Variants in CARS1 observed in about 807,000 individuals in gnomAD.
CARS1 encodes cysteinyl-tRNA synthetase 1, also known as cysteine--tRNA ligase, cytoplasmic.
A neutral mutation model predicts 106.2 loss-of-function variants in CARS1; 48 were observed. That is an observed-to-expected ratio of 0.45 (90% confidence interval 0.36 to 0.57). The LOEUF (loss-of-function observed/expected upper bound fraction) is 0.57. Ranked by LOEUF, CARS1 falls within the 20% of genes least tolerant of loss-of-function variation. The probability of loss-of-function intolerance (pLI) is 0.00; values close to 1 mark genes in which losing one functional copy is unlikely to be tolerated. For missense variants in CARS1, 968 were observed against 1,057.2 expected, an observed-to-expected ratio of 0.92 and a Z score of 1.17; for synonymous variants, 409 against 403.4, an observed-to-expected ratio of 1.01 and a Z score of -0.17.
rs1590367810 is a variant in CARS1, at chr11:3,017,675, G to C, written c.1727+182C>G. ...AAAAAACAAAAAAGAAATTCTCCAT[G>C]CACTTCAACACCCAGAGCAGCTCCC... On this transcript the variant is annotated intron_variant, in intron 15 of 22. Transcript: ENST00000380525. This position sits in a 1 kb window ranked among gnomAD's most constrained non-coding sequence, Gnocchi z 4.9. The C allele has an allele frequency of 1.7e-6, 1 of 580,676 alleles. No individual in the cohort carries two copies. Among genetic ancestry groups the C allele is most frequent in the East Asian group, 2.9e-5 (1 of 35,016 alleles). 36.0% of individuals were successfully genotyped at this position (580,676 alleles called of 1,614,324 possible). A position where few individuals can be genotyped will look rare whatever the true frequency, so the allele number is the denominator to read the frequency against.
chr11:3,056,896 C>T, intron 1 of CARS1, among the ~76,000 whole-genome samples: 1 of 152,214 alleles, frequency 6.6e-6, no homozygotes, highest in Non-Finnish European at 1.5e-5. Context: ...GAAACTGAGG[C>T]TGGGTGGTCT....
At chr11:3,009,884 A>G (rs955382350) in intron 18 of CARS1, among the ~76,000 whole-genome samples, 1 of 152,248 alleles carries the variant, frequency 6.6e-6, no homozygotes, top group African/African-American at 2.4e-5. Flanking sequence ...GTGAATAACA[A>G]AACAGTCACT....
rs1030920680 is a variant in CARS1, at chr11:3,053,784, A to G, written c.25+3559T>C. 5.9e-5 allele frequency among the ~76,000 whole-genome samples: 9 copies of G among 152,190 alleles called. No individual in the cohort carries two copies. Among genetic ancestry groups the G allele is most frequent in the African/African-American group, 1.7e-4 (7 of 41,444 alleles). On this transcript the variant is annotated intron_variant, in intron 1 of 22. Coordinates refer to ENST00000380525, the MANE Select transcript of CARS1 (RefSeq NM_001014437.3). The surrounding 1 kb of genome is among the most constrained non-coding windows in gnomAD (Gnocchi z 6.6). The stretch of plus-strand genomic sequence containing the variant: ...GCTAAAATGCAGACCCCTTTACAGC[A>G]GGTCTGAGCTCCTAATAAGTGCCCC...
Position 3,017,318 on chromosome 11 carries a change from T to C in CARS1, c.1728-23A>G. The C allele has an allele frequency of 1.2e-6, 2 of 1,600,636 alleles. No individual in the cohort carries two copies. Among genetic ancestry groups the C allele is most frequent in the African/African-American group, 2.7e-5 (2 of 74,792 alleles). ...AAGCTGAGCAACAAAGAGGAAGGAATGTGAAGTCAGACCTGAAAACACACC... is the reference window on the plus strand; with the variant it reads ...AAGCTGAGCAACAAAGAGGAAGGAACGTGAAGTCAGACCTGAAAACACACC... On this transcript the variant is annotated intron_variant, in intron 15 of 22. Transcript: ENST00000380525. The surrounding 1 kb of genome is among the most constrained non-coding windows in gnomAD (Gnocchi z 4.9).
At position 3,004,587 on chromosome 11, in the gene CARS1, A is replaced by G. The variant is rs563950970; in HGVS notation, c.2217+779T>C. On this transcript the variant is annotated intron_variant, in intron 20 of 22. Coordinates refer to ENST00000380525, the MANE Select transcript of CARS1 (RefSeq NM_001014437.3). The surrounding 1 kb of genome is among the most constrained non-coding windows in gnomAD (Gnocchi z 5.2). Reference sequence around the variant, plus strand: ...TGCACTGGGGGCCCAGGTGCCTCTCATCCTGCTGCCTGCATCCCAGGGTAC... The same window carrying G: ...TGCACTGGGGGCCCAGGTGCCTCTCGTCCTGCTGCCTGCATCCCAGGGTAC... 6.6e-5 allele frequency among the ~76,000 whole-genome samples: 10 copies of G among 152,172 alleles called. No homozygotes were observed. The highest frequency in any genetic ancestry group is 1.0e-4 in the Non-Finnish European group (7 of 68,028).
chr11:3,013,849 G>A (rs569889013), intron 17 of CARS1, among the ~76,000 whole-genome samples: 6 of 152,096 alleles, frequency 3.9e-5, no homozygotes, highest in African/African-American at 9.7e-5. Context: ...GTTTTTGTTC[G>A]CTGAGAGCTG....
At chr11:3,002,154 C>T in intron 21 of CARS1, 101 bp from the exon 22 acceptor site, 1 of 822,194 alleles carries the variant, frequency 1.2e-6, no homozygotes, top group Non-Finnish European at 2.1e-6. Context: ...AACTTGCTTC[C>T]AAGCCCTCAG....
intron 18 of CARS1, chr11:3,009,182 C>T (rs1342783318): frequency 6.6e-6 from 1 of 152,186 alleles, no homozygotes; most frequent in African/African-American, 2.4e-5. Context: ...ACAAAGATAA[C>T]GCAAAGGTGA....
In CARS1 at chr11:3,050,066, C is replaced by T. The variant is rs79159484; in HGVS notation, c.26-2065G>A. On this transcript the variant is annotated intron_variant, in intron 1 of 22. Transcript: ENST00000380525. The surrounding 1 kb of genome is among the most constrained non-coding windows in gnomAD (Gnocchi z 6.3). ...AGCTCTTCACCCGCCAGGGAGCCTA[C>T]GGAGCCACGTGATGCCCCAAGGCCC... Among the ~76,000 whole-genome samples, 2,383 of 152,288 alleles carry T rather than the reference C, an allele frequency of 0.016. 70 individuals carry two copies. The highest frequency in any genetic ancestry group is 0.054 in the African/African-American group (2,258 of 41,554).
At chr11:3,002,097 C>G in intron 21 of CARS1, 44 bp from the exon 22 acceptor site, 1 of 1,348,672 alleles carries the variant, frequency 7.4e-7, no homozygotes, top group Non-Finnish European at 1.1e-6. Flanking sequence ...CGAGCAGCAC[C>G]TGGGGCTCCG....
chr11:3,035,407 A>C (rs1178310145), intron 7 of CARS1, among the ~76,000 whole-genome samples: 1 of 152,256 alleles, frequency 6.6e-6, no homozygotes, highest in Non-Finnish European at 1.5e-5. Context: ...GAAGAATCCA[A>C]CAATACAAAT....
At chr11:3,025,466 G>A (rs559083231) in intron 10 of CARS1, among the ~76,000 whole-genome samples, 1 of 152,336 alleles carries the variant, frequency 6.6e-6, no homozygotes, top group South Asian at 2.1e-4. Context: ...AACCTCAGGT[G>A]ATCCACCCAC....
rs567420755 is a variant in CARS1, at chr11:3,021,220, T to C, written c.1154-888A>G. Reference sequence around the variant, plus strand: ...ATTAGCTGCTGTGAATAAAGAAACCTGTGAGCCAGTCCAAAGGTCACGCAG... The same window carrying C: ...ATTAGCTGCTGTGAATAAAGAAACCCGTGAGCCAGTCCAAAGGTCACGCAG... On this transcript the variant is annotated intron_variant, in intron 10 of 22. Coordinates refer to ENST00000380525, the MANE Select transcript of CARS1 (RefSeq NM_001014437.3). This position sits in a 1 kb window ranked among gnomAD's most constrained non-coding sequence, Gnocchi z 5.3. 1.3e-5 allele frequency among the ~76,000 whole-genome samples: 2 copies of C among 152,304 alleles called. No homozygotes were observed. The highest frequency in any genetic ancestry group is 2.1e-4 in the South Asian group (1 of 4,832).
At position 3,057,377 on chromosome 11, in the gene CARS1, T is replaced by C. The variant is rs760160795; in HGVS notation, c.-10A>G. 6 of 1,609,976 alleles carry C rather than the reference T, an allele frequency of 3.7e-6. No individual in the cohort carries two copies. Among genetic ancestry groups the C allele is most frequent in the Non-Finnish European group, 5.1e-6 (6 of 1,178,586 alleles). ...CGGAGGAATCTGCCATGGCTGGGAA[T>C]CCCGGACCCGCAGCTGCGGCTACAG... On this transcript the variant is annotated 5_prime_UTR_variant, in exon 1 of 23. Transcript: ENST00000380525.
In CARS1 at chr11:3,046,437, C is replaced by G. The variant is rs187873802; in HGVS notation, c.274+1316G>C. ...ACAGCACAGGTGTCACTTGGGTGAC[C>G]GCGCTGGAGGCTCAGGCAGGAACGG... On this transcript the variant is annotated intron_variant, in intron 2 of 22. Transcript: ENST00000380525. The surrounding 1 kb of genome is among the most constrained non-coding windows in gnomAD (Gnocchi z 5.8). 1.9e-3 allele frequency among the ~76,000 whole-genome samples: 285 copies of G among 152,274 alleles called. 2 individuals carry two copies. Among genetic ancestry groups the G allele is most frequent in the African/African-American group, 6.5e-3 (271 of 41,560 alleles).
rs1854401798 is a variant in CARS1 at position 3,041,195 on chromosome 11, G to C, written c.367-211C>G. The C allele has an allele frequency of 1.7e-6, 1 of 590,346 alleles. No individual in the cohort carries two copies. Among genetic ancestry groups the C allele is most frequent in the African/African-American group, 1.9e-5 (1 of 51,826 alleles). 36.6% of individuals were successfully genotyped at this position (590,346 alleles called of 1,614,324 possible). A position where few individuals can be genotyped will look rare whatever the true frequency, so the allele number is the denominator to read the frequency against. On this transcript the variant is annotated intron_variant, in intron 3 of 22. Coordinates refer to ENST00000380525, the MANE Select transcript of CARS1 (RefSeq NM_001014437.3). The surrounding 1 kb of genome is among the most constrained non-coding windows in gnomAD (Gnocchi z 4.9). ...CCACCAACTGAGCCCTGGGTGGGTG[G>C]GGCCTCTTCCTCCCTGGGGTTCTAC...
intron 12 of CARS1, 24 bp from the exon 13 acceptor site, chr11:3,018,773 G>A (rs1278417476): frequency 1.9e-6 from 3 of 1,608,370 alleles, no homozygotes; most frequent in Admixed American, 1.7e-5. Context: ...GACAAAGGAT[G>A]TCAACAGTCA....
chr11:3,015,976 G>A (rs1850950196), intron 16 of CARS1, 127 bp from the exon 17 acceptor site: 1 of 771,542 alleles, frequency 1.3e-6, no homozygotes, highest in Non-Finnish European at 2.2e-6. Flanking sequence ...GATGGAAGCA[G>A]CAGCTCCAGG....
Position 3,046,868 on chromosome 11 carries a change from T to A in CARS1, c.274+885A>T, listed in dbSNP as rs1855141861. On this transcript the variant is annotated intron_variant, in intron 2 of 22. Coordinates refer to ENST00000380525, the MANE Select transcript of CARS1 (RefSeq NM_001014437.3). The surrounding 1 kb of genome is among the most constrained non-coding windows in gnomAD (Gnocchi z 5.8). ...CAAAGCCATGCAGGCATCCCAGGAG[T>A]ATCTCCCGCAAATAACCACAGGCAC... Among the ~76,000 whole-genome samples, 2 of 151,960 alleles carry A rather than the reference T, an allele frequency of 1.3e-5. No individual in the cohort carries two copies. The highest frequency in any genetic ancestry group is 6.5e-5 in the Admixed American group (1 of 15,278).
Sources: gnomAD v4.1 joint callset for allele counts (sites outside exome capture counted in the v4.1 genomes callset) on GRCh38, gnomAD v4.1.1 for gene constraint, Gnocchi (gnomAD v3.1) non-coding constraint, MANE v1.5 for transcripts, NCBI Gene and HGNC (gene_info 2026-07-23, HGNC 2026-07-21) for gene names.